Variants in STK38 observed in about 807,000 individuals in gnomAD.
The protein encoded by STK38 is serine/threonine-protein kinase 38.
In STK38, 26 loss-of-function variants were observed where a neutral mutation model predicts 59.0. That is an observed-to-expected ratio of 0.44 (90% CI 0.32 to 0.61). The LOEUF is 0.61. Among genes scored for constraint, STK38 ranks in the 20% least tolerant of loss-of-function variants. The pLI is 0.04. For missense variants in STK38, 433 were observed against 566.0 expected (o/e 0.76, Z 2.38); for synonymous variants, 175 against 176.6 (o/e 0.99, Z 0.07).
intron 7 of STK38, among the ~76,000 whole-genome samples, chr6:36,512,739 A>G (rs1342184818): frequency 6.6e-6 from 1 of 152,080 alleles, no homozygotes; most frequent in Non-Finnish European, 1.5e-5. Context: ...GGCTCACTGC[A>G]ACCTCCGCCT....
At chr6:36,531,711 G>A (rs748180692) in intron 2 of STK38, among the ~76,000 whole-genome samples, 23 of 152,032 alleles carry the variant, frequency 1.5e-4, no homozygotes, top group Admixed American at 1.5e-3. Flanking sequence ...AGATTCAGGG[G>A]GTTTAATTAT....
chr6:36,513,367 C>A (rs1405323252), intron 7 of STK38, among the ~76,000 whole-genome samples: 1 of 135,486 alleles, frequency 7.4e-6, no homozygotes, highest in Non-Finnish European at 1.6e-5. Flanking sequence ...CAGGCTAGAG[C>A]ACAGTGGCAT....
chr6:36,513,546 C>G (rs1014605772), intron 7 of STK38, among the ~76,000 whole-genome samples: 20 of 151,820 alleles, frequency 1.3e-4, no homozygotes, highest in Admixed American at 1.3e-3. Flanking sequence ...ATCTCCTGAC[C>G]TCGTGATCCG....
intron 9 of STK38, among the ~76,000 whole-genome samples, chr6:36,500,746 G>C (rs371226654): frequency 8.1e-6 from 1 of 123,624 alleles, no homozygotes; most frequent in Non-Finnish European, 1.6e-5. Context: ...GCGACAGAGT[G>C]AGACTCTGTC....
At chr6:36,512,417 T>G (rs1337857916) in intron 7 of STK38, among the ~76,000 whole-genome samples, 1 of 152,190 alleles carries the variant, frequency 6.6e-6, no homozygotes, top group Non-Finnish European at 1.5e-5. Context: ...CTAAGCTACC[T>G]GGGGCACCAA....
chr6:36,525,070 G>C (rs542736063), intron 3 of STK38, among the ~76,000 whole-genome samples: 64 of 152,228 alleles, frequency 4.2e-4, no homozygotes, highest in African/African-American at 1.5e-3. Context: ...ACCGGGGCCT[G>C]TCGGGGCATG....
chr6:36,496,296 C>G (rs944850886), intron 13 of STK38, among the ~76,000 whole-genome samples: 1 of 152,150 alleles, frequency 6.6e-6, no homozygotes, highest in Admixed American at 6.5e-5. Flanking sequence ...CCCACCTCGG[C>G]CTCCCAAAGT....
intron 8 of STK38, among the ~76,000 whole-genome samples, chr6:36,507,184 G>A (rs565641964): frequency 6.6e-6 from 1 of 151,222 alleles, no homozygotes; most frequent in African/African-American, 2.5e-5. Flanking sequence ...TCTAGCCCAG[G>A]ACAAATCTAG....
chr6:36,525,619 A>G lies in STK38; in HGVS notation c.155T>C (p.Met52Thr). Residue 52 changes from methionine (M) to threonine (T), a missense_variant, in exon 3 of 14, where the codon ATG becomes ACG. Transcript: ENST00000229812. Reference sequence around the variant, plus strand: ...CTCATCTTTTAGGCCTTCTTCTTCCATCACCTTTTCTAACTTCTTTTGTCT... The same window carrying G: ...CTCATCTTTTAGGCCTTCTTCTTCCGTCACCTTTTCTAACTTCTTTTGTCT... ...EMRQKKLEKV[M>T]EEEGLKDEEK... The G allele has an allele frequency of 6.2e-7, 1 of 1,613,862 alleles. No homozygotes were observed. Among genetic ancestry groups the G allele is most frequent in the Non-Finnish European group, 8.5e-7 (1 of 1,179,808 alleles).
intron 2 of STK38, among the ~76,000 whole-genome samples, chr6:36,527,064 C>T (rs973468202): frequency 1.1e-4 from 16 of 150,860 alleles, no homozygotes; most frequent in Middle Eastern, 3.4e-3. Context: ...TGGTGGCGAG[C>T]GCCTGTAGTC....
chr6:36,516,631 G>A (rs1437454840), intron 6 of STK38, among the ~76,000 whole-genome samples: 2 of 152,166 alleles, frequency 1.3e-5, no homozygotes, highest in Non-Finnish European at 2.9e-5. Flanking sequence ...CTTCAATCTG[G>A]AGACCCACCA....
intron 5 of STK38, among the ~76,000 whole-genome samples, chr6:36,518,897 ATT>A (rs941355866): frequency 8.5e-5 from 13 of 152,144 alleles, no homozygotes; most frequent in African/African-American, 2.9e-4. Flanking sequence ...AAATTGGCAA[ATT>A]TAGTCCATGG....
In STK38 at chr6:36,515,431, A is replaced by G; in HGVS notation, c.576T>C (p.Tyr192=). Residue 192 remains tyrosine (Y), a synonymous_variant, in exon 7 of 14, where the codon TAT becomes TAC. Transcript: ENST00000229812. ...DTLTEEETQF[Y]IAETVLAIDS... is the part of the protein sequence containing the mutation. Reference sequence around the variant, plus strand: ...CTATGGCTAATACTGTTTCTGCTATATAAAACTGAGTCTCCTCTTCTGTCA... The same window carrying G: ...CTATGGCTAATACTGTTTCTGCTATGTAAAACTGAGTCTCCTCTTCTGTCA... 1 of 1,614,080 alleles carries G rather than the reference A, an allele frequency of 6.2e-7. No individual in the cohort carries two copies. The highest frequency in any genetic ancestry group is 8.5e-7 in the Non-Finnish European group (1 of 1,180,018).
chr6:36,524,851 TG>T (rs138455510), intron 3 of STK38, among the ~76,000 whole-genome samples: 5,100 of 152,318 alleles, frequency 0.033, 293 homozygotes, highest in African/African-American at 0.11. Context: ...TCTAACTTTC[TG>T]TTATTTCTAC....
At position 36,507,475 on chromosome 6, in the gene STK38, G is replaced by A. The variant is rs768065549; in HGVS notation, c.772+25C>T. On this transcript the variant is annotated intron_variant, in intron 8 of 13. Transcript: ENST00000229812. ...CTTCTAGGCCCAGTTAGAACGAAAA[G>A]GCTAACGTAATTGTTACCACTTACT... The A allele has an allele frequency of 1.8e-5, 28 of 1,599,176 alleles. No individual in the cohort carries two copies. In the South Asian group the frequency reaches 2.8e-4, roughly 16 times the overall value.
chr6:36,499,807 G>T, intron 10 of STK38, 66 bp downstream of exon 10: 6 of 1,245,158 alleles, frequency 4.8e-6, no homozygotes, highest in Non-Finnish European at 3.5e-6. Flanking sequence ...TGAAACAGAG[G>T]CTGGTATCAA....
At chr6:36,536,164 A>G (rs750472438) in intron 2 of STK38, among the ~76,000 whole-genome samples, 11 of 152,210 alleles carry the variant, frequency 7.2e-5, no homozygotes, top group Non-Finnish European at 1.3e-4. Context: ...GATTTTCAAG[A>G]AAAGTGCCAA....
intron 2 of STK38, among the ~76,000 whole-genome samples, chr6:36,528,805 G>C (rs2127484514): frequency 6.6e-6 from 1 of 152,340 alleles, no homozygotes; most frequent in Non-Finnish European, 1.5e-5. Flanking sequence ...GTTTTTGAAT[G>C]ACTACATCAG....
chr6:36,497,695 C>T, intron 12 of STK38, 85 bp downstream of exon 12: 2 of 1,096,304 alleles, frequency 1.8e-6, no homozygotes, highest in South Asian at 1.4e-5. Context: ...CCTTACTTGG[C>T]TTGCCAATGA....
Sources: allele counts gnomAD v4.1 joint callset (sites outside exome capture counted in the v4.1 genomes callset), GRCh38; gene constraint gnomAD v4.1.1; transcripts MANE v1.5; gene names NCBI Gene and HGNC (gene_info 2026-07-23, HGNC 2026-07-21).